The following SVOP variants were observed in gnomAD, a reference collection of about 807,000 sequenced individuals.
The protein encoded by SVOP is synaptic vesicle 2-related protein.
A neutral mutation model predicts 69.1 loss-of-function variants in SVOP; 17 were observed. The observed-to-expected ratio is 0.25, with a 90% confidence interval of 0.17 to 0.37. The LOEUF is 0.37. Ranked by LOEUF, SVOP falls within the 10% of genes least tolerant of loss-of-function variation. The probability of loss-of-function intolerance (pLI) is 1.00; values close to 1 mark genes in which losing one functional copy is unlikely to be tolerated. For synonymous variants in SVOP, 238 were observed against 238.6 expected (o/e 1.00, Z 0.02); for missense variants, 435 against 597.5 (o/e 0.73, Z 2.84).
chr12:108,957,013 G>A (rs2039989086), intron 6 of SVOP, among the ~76,000 whole-genome samples: 1 of 152,074 alleles, frequency 6.6e-6, no homozygotes, highest in African/African-American at 2.4e-5. Context: ...AAATTAAGGG[G>A]TTGAAGTAAG....
Position 108,937,344 on chromosome 12 carries a change from C to G in SVOP, c.898-7G>C. 1 of 1,613,742 alleles carries G rather than the reference C, an allele frequency of 6.2e-7. No individual in the cohort carries two copies. ...TCATTTTGCCTCGGTCTTCCTGTTT[C>G]AAAACAAGGACATAGTGTTTATTCT... On this transcript the variant is annotated splice_polypyrimidine_tract_variant and splice_region_variant and intron_variant, in intron 9 of 15. Coordinates refer to ENST00000610966, the MANE Select transcript of SVOP (RefSeq NM_018711.5).
intron 1 of SVOP, among the ~76,000 whole-genome samples, chr12:109,013,850 C>A (rs369489118): frequency 5.9e-5 from 9 of 152,206 alleles, no homozygotes; most frequent in Non-Finnish European, 1.2e-4. Flanking sequence ...CCTCTCCCCC[C>A]ACCACCGAGT....
Position 109,020,892 on chromosome 12 carries a change from C to G in SVOP, c.-24G>C, listed in dbSNP as rs1489676177. 4 of 717,894 alleles carry G rather than the reference C, an allele frequency of 5.6e-6. No homozygotes were observed. In the South Asian group the frequency reaches 5.9e-5, roughly 11 times the overall value. The allele number at this position is 717,894 out of a possible 1,614,324, so 44.5% of individuals were successfully genotyped here. ...ATGTCCGCGCTGCGCCAGGATGAGC[C>G]CTTCTCATGGCCCTTACATGGTAGT... is the stretch of plus-strand genomic sequence containing the variant. On this transcript the variant is annotated 5_prime_UTR_variant, in exon 1 of 16. Transcript: ENST00000610966.
chr12:108,924,417 G>A (rs1243369683), intron 11 of SVOP, among the ~76,000 whole-genome samples: 4 of 152,174 alleles, frequency 2.6e-5, no homozygotes, highest in Non-Finnish European at 5.9e-5. Context: ...CATCTCAGTT[G>A]TGGCATCTCC....
intron 4 of SVOP, among the ~76,000 whole-genome samples, chr12:108,975,768 C>T (rs1412631572): frequency 2.6e-5 from 4 of 152,138 alleles, no homozygotes; most frequent in Non-Finnish European, 4.4e-5. Flanking sequence ...GTGGTGAAAT[C>T]TCGGCTCTCT....
chr12:108,908,612 C>T lies in SVOP; in HGVS notation c.*3923G>A, dbSNP rs2039661914. On this transcript the variant is annotated 3_prime_UTR_variant, in exon 16 of 16. Coordinates refer to ENST00000610966, the MANE Select transcript of SVOP (RefSeq NM_018711.5). ...CACTGATTTACATGCCCTGAATTTCCCCTGTAGGAAATTAACTACCGATCC... is the reference window on the plus strand; with the variant it reads ...CACTGATTTACATGCCCTGAATTTCTCCTGTAGGAAATTAACTACCGATCC... The T allele has an allele frequency of 6.6e-6, 1 of 152,106 alleles. No individual in the cohort carries two copies. The highest frequency in any genetic ancestry group is 6.5e-5 in the Admixed American group (1 of 15,270). The allele number at this position is 152,106 out of a possible 1,614,324, so 9.4% of individuals were successfully genotyped here.
intron 14 of SVOP, among the ~76,000 whole-genome samples, chr12:108,916,504 T>C (rs1043537637): frequency 6.6e-6 from 1 of 152,190 alleles, no homozygotes; most frequent in Admixed American, 6.5e-5. Context: ...CTGTGCGTTG[T>C]AGGATGTTTG....
At position 109,016,295 on chromosome 12, in the gene SVOP, G is replaced by T. The variant is rs189955744; in HGVS notation, c.35+4539C>A. 4.5e-3 allele frequency among the ~76,000 whole-genome samples: 688 copies of T among 152,292 alleles called. 4 individuals are homozygous for T. Among genetic ancestry groups the T allele is most frequent in the Non-Finnish European group, 5.0e-3 (341 of 68,026 alleles). ...TTTGAACCCAGATCTGCCTGAGTCA[G>T]TTTCCACATTTTTACCTCTGCTATT... On this transcript the variant is annotated intron_variant, in intron 1 of 15. Transcript: ENST00000610966.
At chr12:108,952,579 T>C (rs998925624) in intron 6 of SVOP, among the ~76,000 whole-genome samples, 2 of 152,082 alleles carry the variant, frequency 1.3e-5, no homozygotes, top group Non-Finnish European at 2.9e-5. Flanking sequence ...GCACGGTGGC[T>C]CACACCTGTA....
intron 11 of SVOP, among the ~76,000 whole-genome samples, chr12:108,930,499 G>A (rs572023074): frequency 1.4e-5 from 2 of 145,938 alleles, no homozygotes; most frequent in East Asian, 2.0e-4. Context: ...GTGCAGTGGC[G>A]TCTTCTCGGC....
At chr12:108,935,845 T>C (rs1377311128) in intron 10 of SVOP, among the ~76,000 whole-genome samples, 1 of 152,132 alleles carries the variant, frequency 6.6e-6, no homozygotes, top group Non-Finnish European at 1.5e-5. Context: ...CCACACCTTC[T>C]GTCTCCACTC....
intron 6 of SVOP, among the ~76,000 whole-genome samples, chr12:108,956,499 C>T (rs980464703): frequency 2.6e-5 from 4 of 152,092 alleles, no homozygotes; most frequent in African/African-American, 4.8e-5. Context: ...CCAGCCTGCC[C>T]GCAACAGAGA....
chr12:108,934,049 G>C (rs1593182078), intron 11 of SVOP, 146 bp downstream of exon 11: 1 of 648,080 alleles, frequency 1.5e-6, no homozygotes, highest in Non-Finnish European at 2.6e-6. Context: ...AGACTGTCCA[G>C]GTTTCTACAG....
At chr12:108,943,210 C>G (rs1006014008) in intron 7 of SVOP, among the ~76,000 whole-genome samples, 5 of 152,112 alleles carry the variant, frequency 3.3e-5, no homozygotes, top group Admixed American at 6.6e-5. Flanking sequence ...CCAAAGTCCC[C>G]TTTTGCTTAA....
chr12:109,014,081 T>C (rs2040356183), intron 1 of SVOP, among the ~76,000 whole-genome samples: 1 of 149,878 alleles, frequency 6.7e-6, no homozygotes. Context: ...CACGGTGTGA[T>C]CTCAGCTCAT....
chr12:108,928,426 G>T (rs2039795244), intron 11 of SVOP, among the ~76,000 whole-genome samples: 1 of 152,084 alleles, frequency 6.6e-6, no homozygotes, highest in Non-Finnish European at 1.5e-5. Flanking sequence ...TTCAGGACAT[G>T]CCAACCCTCA....
chr12:108,922,750 C>T lies in SVOP; in HGVS notation c.1096G>A (p.Glu366Lys), dbSNP rs1223916957. Residue 366 changes from glutamate to lysine, a missense_variant, in exon 12 of 16, where the codon GAG (glutamate) becomes AAG (lysine). Coordinates refer to ENST00000610966, the MANE Select transcript of SVOP (RefSeq NM_018711.5). ...ATGTAATCCTCCTCACTCAGGTACT[C>T]GCAGGCCAGGCTGCATTTTGCCTCT... ...AVEAKCSLAC[E>K]YLSEEDYMDL... The T allele has an allele frequency of 6.2e-6, 10 of 1,611,534 alleles. No individual in the cohort carries two copies. Among genetic ancestry groups the T allele is most frequent in the East Asian group, 2.2e-5 (1 of 44,836 alleles).
At chr12:108,915,679 G>A (rs1018317854) in intron 15 of SVOP, 104 bp downstream of exon 15, 41 of 1,204,552 alleles carry the variant, frequency 3.4e-5, no homozygotes, top group Admixed American at 2.1e-4. Context: ...TAAAATGAGC[G>A]AATGCAACCC....
intron 15 of SVOP, among the ~76,000 whole-genome samples, chr12:108,913,349 A>G (rs1407829212): frequency 1.3e-5 from 2 of 152,154 alleles, no homozygotes; most frequent in African/African-American, 2.4e-5. Flanking sequence ...GCATGAGCCA[A>G]CACGCCCAGC....
Sources: allele counts gnomAD v4.1 joint callset (sites outside exome capture counted in the v4.1 genomes callset), GRCh38; gene constraint gnomAD v4.1.1; transcripts MANE v1.5; gene names NCBI Gene and HGNC (gene_info 2026-07-23, HGNC 2026-07-21).